The following SCNN1G variants were observed in gnomAD, a reference collection of about 807,000 sequenced individuals.
SCNN1G encodes epithelial sodium channel subunit gamma.
SCNN1G carries 27 observed loss-of-function variants against 64.6 expected under a neutral mutation model. The ratio of observed to expected loss-of-function variants is 0.42; its 90% CI spans 0.31 to 0.58. SCNN1G has a LOEUF of 0.58. SCNN1G is among the 20% of genes least tolerant of loss of function. The pLI is 0.18. For missense variants in SCNN1G, 743 were observed against 823.4 expected, an observed-to-expected ratio of 0.90 and a Z score of 1.19; for synonymous variants, 330 against 314.2, an observed-to-expected ratio of 1.05 and a Z score of -0.53.
At chr16:23,199,270 G>A (rs576316742) in intron 6 of SCNN1G, among the ~76,000 whole-genome samples, 1 of 152,284 alleles carries the variant, frequency 6.6e-6, no homozygotes, top group African/African-American at 2.4e-5. Flanking sequence ...CTATAGCTGG[G>A]AAATGGTTCC....
intron 6 of SCNN1G, among the ~76,000 whole-genome samples, chr16:23,208,931 C>A (rs573497667): frequency 6.6e-6 from 1 of 152,026 alleles, no homozygotes; most frequent in African/African-American, 2.4e-5. Flanking sequence ...CCTCCTCCCA[C>A]GTCCCAGTGG....
chr16:23,184,484 T>G (rs1959572548), intron 1 of SCNN1G, among the ~76,000 whole-genome samples: 2 of 152,184 alleles, frequency 1.3e-5, no homozygotes, highest in South Asian at 2.1e-4. Flanking sequence ...ATAGGCAATA[T>G]TTTAAGTGAT....
intron 2 of SCNN1G, 46 bp from the exon 3 acceptor site, chr16:23,189,325 C>A: frequency 6.3e-7 from 1 of 1,596,396 alleles, no homozygotes; most frequent in Non-Finnish European, 8.6e-7. Context: ...AGAGTTCTGC[C>A]AGGGCCGCCT....
chr16:23,199,097 T>C (rs1399657642), intron 6 of SCNN1G, among the ~76,000 whole-genome samples: 1 of 152,060 alleles, frequency 6.6e-6, no homozygotes, highest in Non-Finnish European at 1.5e-5. Flanking sequence ...AAGCAGAGTG[T>C]ATCTCTCTTC....
rs371061652 is a variant in SCNN1G, at chr16:23,189,385, G to A, written c.332G>A (p.Arg111His). The A allele has an allele frequency of 3.1e-6, 5 of 1,613,614 alleles. No individual in the cohort carries two copies. The highest frequency in any genetic ancestry group is 4.2e-6 in the Non-Finnish European group (5 of 1,180,020). Reference sequence around the variant, plus strand: ...CACCTTGGCAGGTACAGCACCGTTCGCCACCTTCTAGCTGACTTGGAACAG... The same window carrying A: ...CACCTTGGCAGGTACAGCACCGTTCACCACCTTCTAGCTGACTTGGAACAG... Reference protein sequence around the residue: ...NINPYKYSTVRHLLADLEQET... With the variant: ...NINPYKYSTVHHLLADLEQET... The change falls in exon 3 of 13, where the codon CGC becomes CAC. Residue 111 changes from arginine (R) to histidine (H), a missense_variant. By Grantham distance (29) the Arg-to-His change is conservative (BLOSUM62 0). Transcript: ENST00000300061.
intron 2 of SCNN1G, 56 bp from the exon 3 acceptor site, chr16:23,189,315 A>G: frequency 1.9e-6 from 3 of 1,564,942 alleles, no homozygotes; most frequent in Non-Finnish European, 2.6e-6. Context: ...GAGGAGCACC[A>G]GAGTTCTGCC....
At chr16:23,194,135 G>C in intron 4 of SCNN1G, 36 bp from the exon 5 acceptor site, 1 of 1,413,070 alleles carries the variant, frequency 7.1e-7, no homozygotes, top group Non-Finnish European at 1.0e-6. Flanking sequence ...GATGCATGGG[G>C]GAGATCCCTT....
chr16:23,207,676 G>A (rs1385194373), intron 6 of SCNN1G, among the ~76,000 whole-genome samples: 1 of 152,196 alleles, frequency 6.6e-6, no homozygotes, highest in Non-Finnish European at 1.5e-5. Flanking sequence ...GGAAAGAGGG[G>A]AGGCCAGACA....
intron 7 of SCNN1G, 36 bp downstream of exon 7, chr16:23,209,884 A>T: frequency 6.8e-7 from 1 of 1,463,946 alleles, no homozygotes. Context: ...CCCTGGGTTT[A>T]TGGCCCGGAC....
intron 10 of SCNN1G, 29 bp from the exon 11 acceptor site, chr16:23,213,073 C>G: frequency 1.9e-6 from 3 of 1,607,824 alleles, no homozygotes; most frequent in East Asian, 2.2e-5. Flanking sequence ...CAGGCACCCT[C>G]AGGCCCACGC....
intron 2 of SCNN1G, among the ~76,000 whole-genome samples, chr16:23,188,113 AG>A (rs1959644333): frequency 6.6e-6 from 1 of 152,170 alleles, no homozygotes; most frequent in African/African-American, 2.4e-5. Context: ...GCACTGTACT[AG>A]GTTCTGGGAT....
chr16:23,213,205 A>C, intron 11 of SCNN1G, 42 bp downstream of exon 11: 1 of 1,392,542 alleles, frequency 7.2e-7, no homozygotes, highest in Non-Finnish European at 1.0e-6. Flanking sequence ...TTCCCACCAC[A>C]GCCCCCAGCC....
Position 23,197,423 on chromosome 16 carries a change from A to G in SCNN1G, c.1073A>G (p.His358Arg). The G allele has an allele frequency of 6.2e-7, 1 of 1,613,656 alleles. No homozygotes were observed. The highest frequency in any genetic ancestry group is 8.5e-7 in the Non-Finnish European group (1 of 1,179,520). Residue 358 changes from histidine (H) to arginine (R), a missense_variant, in exon 6 of 13, where the codon CAC (histidine) becomes CGC (arginine). Transcript: ENST00000300061. ...GCAATGGTCACCTCTATAGGAATGC[A>G]CCTGGTAAGAGAATATTCTCATTTC... ...ETAMVTSIGM[H>R]LTESFKLSEP...
At chr16:23,200,206 T>C (rs543075706) in intron 6 of SCNN1G, among the ~76,000 whole-genome samples, 17 of 152,302 alleles carry the variant, frequency 1.1e-4, no homozygotes, top group Non-Finnish European at 1.5e-4. Context: ...CAAGGATCTA[T>C]ATTTTTACCA....
chr16:23,213,275 T>G, intron 11 of SCNN1G, 112 bp downstream of exon 11: 1 of 689,888 alleles, frequency 1.4e-6, no homozygotes. Flanking sequence ...TTTTTTTTTA[T>G]GGAGTCTTAC....
chr16:23,196,420 A>G (rs544553110), intron 5 of SCNN1G: 10 of 152,288 alleles, frequency 6.6e-5, no homozygotes, highest in African/African-American at 2.2e-4. Flanking sequence ...AGATGCAGCC[A>G]GGTTTATTCT....
At chr16:23,196,177 G>A (rs2141933925) in intron 5 of SCNN1G, among the ~76,000 whole-genome samples, 1 of 152,256 alleles carries the variant, frequency 6.6e-6, no homozygotes, top group East Asian at 1.9e-4. Context: ...GGATAAGAAG[G>A]CCCAGAAAGA....
chr16:23,214,993 GGGCTGACCCGT>G, intron 12 of SCNN1G, 85 bp from the exon 13 acceptor site: 1 of 1,454,698 alleles, frequency 6.9e-7, no homozygotes, highest in Non-Finnish European at 9.6e-7. Context: ...TGCAGGGTCG[GGGCTGACCCGT>G]GGCTCCCTTG....
intron 6 of SCNN1G, among the ~76,000 whole-genome samples, chr16:23,206,113 G>C (rs1003332490): frequency 9.2e-5 from 14 of 152,010 alleles, no homozygotes; most frequent in African/African-American, 3.4e-4. Context: ...CCTAAAACAG[G>C]GTGCAGACAG....
Sources: gnomAD v4.1 joint callset for allele counts (sites outside exome capture counted in the v4.1 genomes callset) on GRCh38, gnomAD v4.1.1 for gene constraint, MANE v1.5 for transcripts, NCBI Gene and HGNC (gene_info 2026-07-23, HGNC 2026-07-21) for gene names.